DNAL1: variants seen among roughly 807,000 people sequenced by gnomAD.
DNAL1 encodes chromosome 14 open reading frame 168.
Under a neutral mutation model 29.4 loss-of-function variants are expected in DNAL1, and 17 were observed. That is an observed-to-expected ratio of 0.58 (90% CI 0.40 to 0.87). The LOEUF (loss-of-function observed/expected upper bound fraction) is 0.87, where lower values mean the gene tolerates loss of function less well. Ranked by LOEUF, DNAL1 falls within the 40% of genes least tolerant of loss-of-function variation. The pLI is 0.00. For synonymous variants in DNAL1, 78 were observed against 76.3 expected (o/e 1.02, Z -0.12); for missense variants, 188 against 214.1 (o/e 0.88, Z 0.76).
intron 7 of DNAL1, among the ~76,000 whole-genome samples, chr14:73,693,400 G>A (rs1162398969): frequency 1.3e-5 from 2 of 152,124 alleles, no homozygotes; most frequent in Non-Finnish European, 2.9e-5. Flanking sequence ...TATATTAATA[G>A]CTAAAAATTA....
chr14:73,668,802 G>A (rs186917416), intron 4 of DNAL1, among the ~76,000 whole-genome samples: 9 of 151,998 alleles, frequency 5.9e-5, no homozygotes, highest in South Asian at 4.2e-4. Flanking sequence ...TCAGCTTTCC[G>A]AGTAGCTGGG....
Position 73,696,128 on chromosome 14 carries a change from C to A in DNAL1, c.*186C>A. ...TGTTTCTCCCCAAAACTGGTAATGC[C>A]AACCTTATATATCCTATTTCTCTTT... On this transcript the variant is annotated 3_prime_UTR_variant, in exon 8 of 8. Coordinates refer to ENST00000553645, the MANE Select transcript of DNAL1 (RefSeq NM_031427.4). 1.7e-6 allele frequency: 1 copy of A among 581,306 alleles called. No homozygotes were observed. The highest frequency in any genetic ancestry group is 2.9e-6 in the Non-Finnish European group (1 of 345,478). The allele number at this position is 581,306 out of a possible 1,614,324, so 36.0% of individuals were successfully genotyped here.
intron 5 of DNAL1, among the ~76,000 whole-genome samples, chr14:73,674,575 T>G (rs1891686880): frequency 6.6e-6 from 1 of 152,240 alleles, no homozygotes; most frequent in Admixed American, 6.5e-5. Flanking sequence ...GAGGTCTCAC[T>G]CTGTCACCCA....
intron 5 of DNAL1, among the ~76,000 whole-genome samples, chr14:73,680,744 CGTT>C (rs1048739804): frequency 2.0e-5 from 3 of 152,104 alleles, no homozygotes; most frequent in Non-Finnish European, 2.9e-5. Flanking sequence ...ATTAGGCAAT[CGTT>C]GTTGTGTGAA....
intron 1 of DNAL1, among the ~76,000 whole-genome samples, chr14:73,648,417 T>TATATA (rs71112789): frequency 2.3e-5 from 3 of 132,820 alleles, no homozygotes; most frequent in Non-Finnish European, 4.8e-5. Flanking sequence ...TATATATATA[T>TATATA]TTGTTGTTTG....
At chr14:73,677,458 C>G (rs557523199) in intron 5 of DNAL1, among the ~76,000 whole-genome samples, 2 of 151,104 alleles carry the variant, frequency 1.3e-5, no homozygotes, top group Non-Finnish European at 2.9e-5. Context: ...GGCCACTGTT[C>G]GCGGCAAGTA....
At chr14:73,670,385 GACC>G (rs1290511609) in intron 4 of DNAL1, among the ~76,000 whole-genome samples, 3 of 152,174 alleles carry the variant, frequency 2.0e-5, no homozygotes, top group Admixed American at 2.0e-4. Context: ...TGTGGCTAGT[GACC>G]ACCATATTAG....
At position 73,695,930 on chromosome 14, in the gene DNAL1, A is replaced by G. The variant is rs1301246981; in HGVS notation, c.561A>G (p.Glu187=). The G allele has an allele frequency of 1.9e-6, 3 of 1,590,404 alleles. No homozygotes were observed. The highest frequency in any genetic ancestry group is 2.6e-6 in the Non-Finnish European group (3 of 1,166,992). Residue 187 remains glutamate, a synonymous_variant, in exon 8 of 8, where the codon GAA becomes GAG. Transcript: ENST00000553645. ...CTCCAGTAATTAAAGGGGATGAGGA[A>G]GAAGACAACTAATGCCACGCTTTCC... ...DGTPVIKGDE[E]EDN is the part of the protein sequence containing the mutation.
intron 7 of DNAL1, 50 bp downstream of exon 7, chr14:73,689,565 A>T: frequency 6.4e-7 from 1 of 1,566,076 alleles, no homozygotes. Context: ...ATAAAAATGG[A>T]ATTTGTGGCA....
At chr14:73,648,274 G>C (rs2140021149) in intron 1 of DNAL1, among the ~76,000 whole-genome samples, 1 of 147,924 alleles carries the variant, frequency 6.8e-6, no homozygotes, top group Non-Finnish European at 1.5e-5. Context: ...CACCGCGCCT[G>C]GCCAAGAGTT....
chr14:73,685,878 T>G (rs1217064914), intron 5 of DNAL1, among the ~76,000 whole-genome samples: 2 of 152,194 alleles, frequency 1.3e-5, no homozygotes, highest in Non-Finnish European at 2.9e-5. Context: ...TATTGTGAAT[T>G]TGCTACTGTG....
At chr14:73,663,702 T>C (rs1456131688) in intron 4 of DNAL1, among the ~76,000 whole-genome samples, 1 of 152,162 alleles carries the variant, frequency 6.6e-6, no homozygotes, top group Non-Finnish European at 1.5e-5. Flanking sequence ...GTTCATTGCC[T>C]CATGACTGAG....
intron 7 of DNAL1, among the ~76,000 whole-genome samples, chr14:73,692,610 G>T (rs1418154352): frequency 8.1e-6 from 1 of 123,324 alleles, no homozygotes; most frequent in Non-Finnish European, 1.8e-5. Flanking sequence ...AGTGAGCCGA[G>T]AAAAAAAAAA....
chr14:73,657,561 C>G (rs922853724), intron 2 of DNAL1, among the ~76,000 whole-genome samples: 5 of 152,144 alleles, frequency 3.3e-5, no homozygotes, highest in African/African-American at 9.7e-5. Context: ...GTTTTCTCCT[C>G]ACTCTGTTTA....
At chr14:73,692,840 C>CTTTTT (rs71112797) in intron 7 of DNAL1, among the ~76,000 whole-genome samples, 1 of 142,914 alleles carries the variant, frequency 7.0e-6, no homozygotes, top group Non-Finnish European at 1.5e-5. Flanking sequence ...ACTGAGGGAT[C>CTTTTT]TTTTTTTTTT....
chr14:73,646,672 G>T (rs1306175228), intron 1 of DNAL1, among the ~76,000 whole-genome samples: 9 of 152,188 alleles, frequency 5.9e-5, no homozygotes, highest in African/African-American at 2.2e-4. Flanking sequence ...TGAGGCATGA[G>T]AATCTCTTGA....
chr14:73,688,610 G>A (rs761113317), intron 6 of DNAL1, among the ~76,000 whole-genome samples: 2 of 152,064 alleles, frequency 1.3e-5, no homozygotes, highest in African/African-American at 2.4e-5. Flanking sequence ...GTGACAGAAG[G>A]AGACTCTTTC....
intron 2 of DNAL1, 99 bp from the exon 3 acceptor site, chr14:73,658,748 G>A: frequency 1.2e-6 from 1 of 835,488 alleles, no homozygotes; most frequent in South Asian, 1.9e-5. Context: ...TCTAGCAATT[G>A]TCTTGAAATA....
chr14:73,692,995 C>T (rs1249798335), intron 7 of DNAL1, among the ~76,000 whole-genome samples: 3 of 152,114 alleles, frequency 2.0e-5, no homozygotes, highest in Admixed American at 2.0e-4. Flanking sequence ...GCCACCACGC[C>T]TGGCTAATTT....
Sources: allele counts gnomAD v4.1 joint callset (sites outside exome capture counted in the v4.1 genomes callset), GRCh38; gene constraint gnomAD v4.1.1; transcripts MANE v1.5; gene names NCBI Gene and HGNC (gene_info 2026-07-23, HGNC 2026-07-21).